UGGT2: variants seen among roughly 807,000 people sequenced by gnomAD.
UGGT2 encodes UDP-glucose glycoprotein glucosyltransferase 2.
A neutral mutation model predicts 192.1 loss-of-function variants in UGGT2; 180 were observed. That is an observed-to-expected ratio of 0.94 (90% CI 0.83 to 1.06). The LOEUF is 1.06. Among genes scored for constraint, UGGT2 ranks in the 50% least tolerant of loss-of-function variants. UGGT2 has a pLI of 0.00. For missense variants in UGGT2, 1,849 were observed against 1,795.7 expected, an observed-to-expected ratio of 1.03 and a Z score of -0.54; for synonymous variants, 580 against 591.0, an observed-to-expected ratio of 0.98 and a Z score of 0.27.
intron 20 of UGGT2, among the ~76,000 whole-genome samples, chr13:95,912,652 G>C (rs1034530050): frequency 6.6e-6 from 1 of 152,080 alleles, no homozygotes; most frequent in African/African-American, 2.4e-5. Flanking sequence ...CATGAAAATG[G>C]CAGCACTGCC....
At chr13:95,806,081 G>C (rs1392669323) in intron 38 of UGGT2, among the ~76,000 whole-genome samples, 1 of 144,006 alleles carries the variant, frequency 6.9e-6, no homozygotes, top group Non-Finnish European at 1.5e-5. Context: ...AAAGTCCAAG[G>C]CTAAACAAAG....
At chr13:95,960,906 C>G (rs1333209357) in intron 12 of UGGT2, among the ~76,000 whole-genome samples, 2 of 152,096 alleles carry the variant, frequency 1.3e-5, no homozygotes, top group East Asian at 3.9e-4. Flanking sequence ...AAGAAAATGC[C>G]TGCCAGTTGA....
chr13:95,811,869 T>C (rs1884601924), intron 38 of UGGT2, among the ~76,000 whole-genome samples: 1 of 149,892 alleles, frequency 6.7e-6, no homozygotes, highest in Non-Finnish European at 1.5e-5. Flanking sequence ...ATAAAGGGAG[T>C]ATGGCTAATA....
chr13:95,948,394 T>C (rs1030394587), intron 13 of UGGT2, among the ~76,000 whole-genome samples: 2 of 152,188 alleles, frequency 1.3e-5, no homozygotes, highest in Non-Finnish European at 2.9e-5. Flanking sequence ...AAATACCTTA[T>C]TCTAAATGTT....
At chr13:95,988,549 T>G (rs2026817) in intron 8 of UGGT2, among the ~76,000 whole-genome samples, 9,197 of 152,156 alleles carry the variant, frequency 0.06, 417 homozygotes, top group East Asian at 0.21. Context: ...ATAGATTCTA[T>G]CAGTTCAAAG....
At chr13:96,029,282 G>GTTAT (rs929675776) in intron 2 of UGGT2, among the ~76,000 whole-genome samples, 5 of 151,914 alleles carry the variant, frequency 3.3e-5, no homozygotes, top group South Asian at 4.2e-4. Context: ...TATTTTAAGT[G>GTTAT]TTATTTATTT....
intron 20 of UGGT2, among the ~76,000 whole-genome samples, chr13:95,917,720 T>A (rs575856998): frequency 6.6e-6 from 1 of 152,186 alleles, no homozygotes; most frequent in South Asian, 2.1e-4. Flanking sequence ...GGAGGAAAAT[T>A]TACAAGCAAA....
chr13:95,846,504 A>C (rs2139991875), intron 36 of UGGT2, among the ~76,000 whole-genome samples: 1 of 152,304 alleles, frequency 6.6e-6, no homozygotes, highest in East Asian at 1.9e-4. Context: ...AACAATTTTT[A>C]CAACTTTTCT....
intron 4 of UGGT2, among the ~76,000 whole-genome samples, chr13:96,014,170 T>C (rs952311976): frequency 6.6e-6 from 1 of 152,186 alleles, no homozygotes; most frequent in Non-Finnish European, 1.5e-5. Context: ...CCAAAGCCCA[T>C]ATGTTTTGGC....
intron 17 of UGGT2, among the ~76,000 whole-genome samples, chr13:95,927,857 G>A (rs966309850): frequency 6.6e-6 from 1 of 151,964 alleles, no homozygotes; most frequent in Non-Finnish European, 1.5e-5. Context: ...ATTCGGGAGT[G>A]GTGATGACTC....
intron 38 of UGGT2, among the ~76,000 whole-genome samples, chr13:95,803,024 C>T (rs925832472): frequency 1.6e-4 from 24 of 151,414 alleles, no homozygotes; most frequent in Non-Finnish European, 2.5e-4. Flanking sequence ...TTAGTAGAGA[C>T]GGGGTTTCAC....
chr13:95,852,230 C>G (rs750036275), intron 36 of UGGT2, among the ~76,000 whole-genome samples: 4 of 152,128 alleles, frequency 2.6e-5, no homozygotes, highest in Non-Finnish European at 4.4e-5. Context: ...TTCATTTTTA[C>G]TTTATTCCCC....
intron 2 of UGGT2, among the ~76,000 whole-genome samples, chr13:96,028,962 G>A (rs1277310308): frequency 5.3e-5 from 8 of 150,868 alleles, no homozygotes; most frequent in South Asian, 4.2e-4. Flanking sequence ...TGGCTAACAC[G>A]GTGAAACCCC....
At chr13:95,884,760 C>T (rs890903314) in intron 26 of UGGT2, 80 bp from the exon 27 acceptor site, 3 of 1,343,668 alleles carry the variant, frequency 2.2e-6, no homozygotes, top group Non-Finnish European at 3.0e-6. Flanking sequence ...TTGAAAATTG[C>T]TTAATGATCT....
chr13:96,053,391 G>A lies in UGGT2; in HGVS notation c.-79C>T, dbSNP rs908454839. The A allele has an allele frequency of 4.5e-5, 68 of 1,507,698 alleles. No homozygotes were observed. Among genetic ancestry groups the A allele is most frequent in the Non-Finnish European group, 5.5e-5 (63 of 1,136,538 alleles). 93.4% of individuals were successfully genotyped at this position (1,507,698 alleles called of 1,614,324 possible). On this transcript the variant is annotated 5_prime_UTR_variant, in exon 1 of 39. Coordinates refer to ENST00000376747, the MANE Select transcript of UGGT2 (RefSeq NM_020121.4). ...CGCCACGCTTCGGCCGGCTCTTCCC[G>A]CTGCGCGGCTGCCCACTTCCGGTGG...
intron 1 of UGGT2, among the ~76,000 whole-genome samples, chr13:96,050,911 G>T (rs1221169098): frequency 6.6e-6 from 1 of 152,224 alleles, no homozygotes; most frequent in Non-Finnish European, 1.5e-5. Context: ...AACCATTGTG[G>T]AAGACATTGT....
At position 96,026,555 on chromosome 13, in the gene UGGT2, TAATA is replaced by T. The variant is rs1332320561; in HGVS notation, c.242-2800_242-2797del. On this transcript the variant is annotated intron_variant, in intron 2 of 38. Transcript: ENST00000376747. ...ACATTCAATAAATTTCTTTAATATTTAATAAATATTATAAATAAGTTTCTTCATT... is the reference window on the plus strand; with the variant it reads ...ACATTCAATAAATTTCTTTAATATTTAATATTATAAATAAGTTTCTTCATT... Among the ~76,000 whole-genome samples the T allele has an allele frequency of 5.3e-5, 8 of 151,746 alleles. 1 individual carries two copies. In the South Asian group the frequency reaches 1.7e-3, roughly 31 times the overall value.
intron 24 of UGGT2, among the ~76,000 whole-genome samples, chr13:95,894,248 A>G (rs1303609670): frequency 6.6e-6 from 1 of 152,182 alleles, no homozygotes; most frequent in Non-Finnish European, 1.5e-5. Flanking sequence ...TATAAAGATA[A>G]TATTATTTAT....
At chr13:96,014,296 T>C (rs1443574913) in intron 4 of UGGT2, among the ~76,000 whole-genome samples, 2 of 152,156 alleles carry the variant, frequency 1.3e-5, no homozygotes, top group Non-Finnish European at 2.9e-5. Context: ...AGTCAATTAC[T>C]ACCTTTGGAT....
Sources: allele counts gnomAD v4.1 joint callset (sites outside exome capture counted in the v4.1 genomes callset), GRCh38; gene constraint gnomAD v4.1.1; transcripts MANE v1.5; gene names NCBI Gene and HGNC (gene_info 2026-07-23, HGNC 2026-07-21).